Variants in GOLGA3 observed in about 807,000 individuals in gnomAD.
The protein encoded by GOLGA3 is golgin subfamily A member 3.
Under a neutral mutation model 169.4 loss-of-function variants are expected in GOLGA3, and 75 were observed. That is an observed-to-expected ratio of 0.44 (90% confidence interval 0.37 to 0.54). The LOEUF (loss-of-function observed/expected upper bound fraction) is 0.54. Ranked by LOEUF, GOLGA3 falls within the 20% of genes least tolerant of loss-of-function variation. The probability of loss-of-function intolerance (pLI) is 0.00; values close to 1 mark genes in which losing one functional copy is unlikely to be tolerated. For missense variants in GOLGA3, 1,899 were observed against 1,930.0 expected, an observed-to-expected ratio of 0.98 and a Z score of 0.30; for synonymous variants, 824 against 822.4, an observed-to-expected ratio of 1.00 and a Z score of -0.03.
chr12:132,774,373 G>C (rs2045101191), intron 22 of GOLGA3, 53 bp from the exon 23 acceptor site: 2 of 1,593,264 alleles, frequency 1.3e-6, no homozygotes, highest in Non-Finnish European at 1.7e-6. Flanking sequence ...CCTCGGGTCA[G>C]TCTCACTAGC....
intron 13 of GOLGA3, among the ~76,000 whole-genome samples, chr12:132,788,192 G>C (rs1269928348): frequency 1.3e-5 from 2 of 152,116 alleles, no homozygotes; most frequent in African/African-American, 4.8e-5. Flanking sequence ...AACAATGATG[G>C]TGCCGGCCAC....
rs2044806530 is a variant in GOLGA3 at position 132,769,597 on chromosome 12, T to C, written c.*3508A>G. 6.6e-6 allele frequency: 1 copy of C among 152,208 alleles called. No individual in the cohort carries two copies. The highest frequency in any genetic ancestry group is 1.5e-5 in the Non-Finnish European group (1 of 68,036). The allele number at this position is 152,208 out of a possible 1,614,324, so 9.4% of individuals were successfully genotyped here. A position where few individuals can be genotyped will look rare whatever the true frequency, so the allele number is the denominator to read the frequency against. Reference sequence around the variant, plus strand: ...CTCACATATACCACGGAAAAACACATGAAAACCAAGTTACGTTGTTTTTGG... The same window carrying C: ...CTCACATATACCACGGAAAAACACACGAAAACCAAGTTACGTTGTTTTTGG... On this transcript the variant is annotated 3_prime_UTR_variant, in exon 24 of 24. Coordinates refer to ENST00000450791, the MANE Select transcript of GOLGA3 (RefSeq NM_001389683.1).
rs983802424 is a variant in GOLGA3 at position 132,769,796 on chromosome 12, C to T, written c.*3309G>A. The T allele has an allele frequency of 3.9e-5, 6 of 152,182 alleles. No homozygotes were observed. Among genetic ancestry groups the T allele is most frequent in the African/African-American group, 1.4e-4 (6 of 41,428 alleles). 9.4% of individuals were successfully genotyped at this position (152,182 alleles called of 1,614,324 possible). A position where few individuals can be genotyped will look rare whatever the true frequency, so the allele number is the denominator to read the frequency against. On this transcript the variant is annotated 3_prime_UTR_variant, in exon 24 of 24. Coordinates refer to ENST00000450791, the MANE Select transcript of GOLGA3 (RefSeq NM_001389683.1). ...GTACTCCCAACTTCACTGCCTTTTC[C>T]GTGAGGATATTCCATCATTCCCACT...
At chr12:132,782,698 G>A (rs1484233616) in intron 16 of GOLGA3, among the ~76,000 whole-genome samples, 1 of 152,078 alleles carries the variant, frequency 6.6e-6, no homozygotes, top group Admixed American at 6.5e-5. Flanking sequence ...CCAACATGGT[G>A]AAACCCCGTC....
intron 8 of GOLGA3, 52 bp downstream of exon 8, chr12:132,801,715 T>C (rs1949135401): frequency 1.3e-6 from 2 of 1,518,502 alleles, no homozygotes; most frequent in Non-Finnish European, 9.1e-7. Context: ...AGCACCGTTC[T>C]ACATGAAGAC....
intron 6 of GOLGA3, among the ~76,000 whole-genome samples, chr12:132,806,341 G>C (rs1949399464): frequency 6.6e-6 from 1 of 152,242 alleles, no homozygotes; most frequent in Non-Finnish European, 1.5e-5. Context: ...GACGGAGGGA[G>C]GCTCACGCTG....
chr12:132,812,999 T>G (rs1015565609), intron 4 of GOLGA3, among the ~76,000 whole-genome samples: 5 of 152,232 alleles, frequency 3.3e-5, no homozygotes, highest in African/African-American at 1.2e-4. Flanking sequence ...GCACACTTAG[T>G]AAACTACAGT....
chr12:132,780,519 T>C (rs1408218038), intron 18 of GOLGA3, among the ~76,000 whole-genome samples: 2 of 152,200 alleles, frequency 1.3e-5, no homozygotes, highest in South Asian at 2.1e-4. Context: ...GCTTTTGCAA[T>C]GCAACACGAC....
chr12:132,773,995 C>T (rs1366826563), intron 23 of GOLGA3, among the ~76,000 whole-genome samples, 162 bp downstream of exon 23: 1 of 152,068 alleles, frequency 6.6e-6, no homozygotes, highest in Non-Finnish European at 1.5e-5. Context: ...CAAGTCCCTC[C>T]CTTATATAAA....
intron 21 of GOLGA3, among the ~76,000 whole-genome samples, chr12:132,775,635 C>T (rs1170607812): frequency 1.3e-5 from 2 of 152,134 alleles, no homozygotes; most frequent in Non-Finnish European, 2.9e-5. Flanking sequence ...ACTCTGTCAT[C>T]CAGGCTGGAG....
At chr12:132,789,326 G>C in intron 12 of GOLGA3, 36 bp from the exon 13 acceptor site, 6 of 1,523,956 alleles carry the variant, frequency 3.9e-6, no homozygotes, top group Non-Finnish European at 5.3e-6. Flanking sequence ...GACGCTGGGC[G>C]GCGGGGCGTG....
rs956210719 is a variant in GOLGA3, at chr12:132,821,651, G to T, written c.133+345C>A. The stretch of plus-strand genomic sequence containing the variant: ...GGGCGGATCACGAAGTCAGGAGATC[G>T]AGACCATCTTGGCTAACACGGTGAA... On this transcript the variant is annotated intron_variant, in intron 2 of 23. Transcript: ENST00000450791. 2.8e-4 allele frequency among the ~76,000 whole-genome samples: 43 copies of T among 151,930 alleles called. 1 individual carries two copies. In the South Asian group the frequency reaches 3.1e-3, roughly 11 times the overall value.
chr12:132,790,132 C>T (rs1448828157), intron 12 of GOLGA3, among the ~76,000 whole-genome samples: 1 of 151,934 alleles, frequency 6.6e-6, no homozygotes, highest in Non-Finnish European at 1.5e-5. Context: ...GAGATTGAGA[C>T]CATCCTGGCT....
At chr12:132,786,669 TC>T in intron 14 of GOLGA3, 23 bp downstream of exon 14, 1 of 904,198 alleles carries the variant, frequency 1.1e-6, no homozygotes, top group Non-Finnish European at 1.4e-6. Context: ...CCCCCGCACC[TC>T]CCCCGGGCAC....
chr12:132,776,403 C>A lies in GOLGA3; in HGVS notation c.3978+231G>T, dbSNP rs891275781. Among the ~76,000 whole-genome samples, 4 of 139,836 alleles carry A rather than the reference C, an allele frequency of 2.9e-5. No individual in the cohort carries two copies. In the Admixed American group the frequency reaches 3.0e-4, roughly 11 times the overall value. 91.7% of individuals were successfully genotyped at this position (139,836 alleles called of 152,430 possible). A position where few individuals can be genotyped will look rare whatever the true frequency, so the allele number is the denominator to read the frequency against. ...CAGAGCCTCACACAGGTACCCGCAG[C>A]AGCTGCTGTAGCCCCTCCAGCTCCT... On this transcript the variant is annotated intron_variant, in intron 21 of 23. Transcript: ENST00000450791.
chr12:132,791,134 T>G (rs538463664), intron 12 of GOLGA3, 82 bp downstream of exon 12: 13 of 609,060 alleles, frequency 2.1e-5, no homozygotes, highest in Non-Finnish European at 3.0e-5. Flanking sequence ...TTCAATGACA[T>G]TGGAATTGCT....
At chr12:132,812,158 T>C (rs1004097836) in intron 4 of GOLGA3, among the ~76,000 whole-genome samples, 7 of 151,286 alleles carry the variant, frequency 4.6e-5, no homozygotes, top group African/African-American at 1.7e-4. Flanking sequence ...ACTACACACC[T>C]GCTTGGGTGA....
intron 15 of GOLGA3, 28 bp from the exon 16 acceptor site, chr12:132,784,335 G>A (rs1416532621): frequency 3.1e-6 from 5 of 1,588,322 alleles, no homozygotes; most frequent in Admixed American, 1.7e-5. Flanking sequence ...ACGGGCGCTT[G>A]GTCATGGGAC....
intron 2 of GOLGA3, among the ~76,000 whole-genome samples, chr12:132,819,460 T>C (rs577152752): frequency 2.0e-3 from 301 of 152,166 alleles, no homozygotes; most frequent in African/African-American, 6.9e-3. Flanking sequence ...ACCCTCGAAG[T>C]GGAGCTTGCA....
Sources: gnomAD v4.1 joint callset for allele counts (sites outside exome capture counted in the v4.1 genomes callset) on GRCh38, gnomAD v4.1.1 for gene constraint, MANE v1.5 for transcripts, NCBI Gene and HGNC (gene_info 2026-07-23, HGNC 2026-07-21) for gene names.